The following WNK2 variants were observed in gnomAD, a reference collection of about 807,000 sequenced individuals.
The protein encoded by WNK2 is WNK lysine deficient protein kinase 2, also known as serine/threonine-protein kinase WNK2.
A neutral mutation model predicts 192.1 loss-of-function variants in WNK2; 67 were observed. The observed-to-expected ratio is 0.35, with a 90% CI of 0.29 to 0.43. The LOEUF is 0.43. Among genes scored for constraint, WNK2 ranks in the 20% least tolerant of loss-of-function variants. The probability of loss-of-function intolerance (pLI) is 1.00; values close to 1 mark genes in which losing one functional copy is unlikely to be tolerated. For synonymous variants in WNK2, 1,439 were observed against 1,393.9 expected (o/e 1.03, Z -0.72); for missense variants, 2,698 against 3,089.7 (o/e 0.87, Z 3.01).
chr9:93,210,790 C>T (rs1011020241), intron 2 of WNK2, among the ~76,000 whole-genome samples: 3 of 152,264 alleles, frequency 2.0e-5, no homozygotes. Context: ...TCCAGATGCT[C>T]ATTGTCTCTT....
intron 28 of WNK2, among the ~76,000 whole-genome samples, chr9:93,310,316 G>A (rs1853413837): frequency 6.6e-6 from 1 of 152,194 alleles, no homozygotes; most frequent in African/African-American, 2.4e-5. Flanking sequence ...AGCCTGGGCA[G>A]GCTCATCTCT....
At chr9:93,308,212 C>T in intron 27 of WNK2, 116 bp from the exon 28 acceptor site, 4 of 1,460,644 alleles carry the variant, frequency 2.7e-6, no homozygotes, top group South Asian at 1.4e-5. Context: ...AAGGTGCTGC[C>T]TGGCCCAAGT....
rs1844669985 is a variant in WNK2, at chr9:93,263,737, G to C, written c.3579+3G>C. The C allele has an allele frequency of 6.8e-7, 1 of 1,476,360 alleles. No individual in the cohort carries two copies. The highest frequency in any genetic ancestry group is 9.0e-7 in the Non-Finnish European group (1 of 1,116,170). 91.5% of individuals were successfully genotyped at this position (1,476,360 alleles called of 1,614,324 possible). On this transcript the variant is annotated splice_donor_region_variant and intron_variant, in intron 15 of 29. Transcript: ENST00000427277. ...GGCCCCGGCTTACCATCTTGAACGT[G>C]AGTGGGCGGGGCGTGGCGGGGGTGT...
At chr9:93,211,276 A>G (rs1834614591) in intron 2 of WNK2, among the ~76,000 whole-genome samples, 1 of 151,276 alleles carries the variant, frequency 6.6e-6, no homozygotes, top group African/African-American at 2.4e-5. Context: ...TCACTCACTC[A>G]TCCACTCACT....
intron 29 of WNK2, chr9:93,319,363 G>A (rs1855238010): frequency 2.0e-6 from 2 of 985,322 alleles, no homozygotes; most frequent in Non-Finnish European, 2.4e-6. Context: ...GCTGGGCTGG[G>A]CTGTCCCCGG....
intron 19 of WNK2, among the ~76,000 whole-genome samples, chr9:93,283,782 T>C (rs1330816627): frequency 6.6e-6 from 1 of 152,218 alleles, no homozygotes; most frequent in Non-Finnish European, 1.5e-5. Context: ...CAGTTGTGGC[T>C]GGTGGCTGGA....
intron 26 of WNK2, 110 bp downstream of exon 26, chr9:93,300,259 C>A (rs944932297): frequency 4.6e-5 from 42 of 911,114 alleles, no homozygotes; most frequent in African/African-American, 1.7e-5. Context: ...GCCTCCCCCA[C>A]CCCATCGAAG....
At chr9:93,200,085 C>T (rs1190989232) in intron 2 of WNK2, among the ~76,000 whole-genome samples, 1 of 152,110 alleles carries the variant, frequency 6.6e-6, no homozygotes, top group Non-Finnish European at 1.5e-5. Flanking sequence ...TCAGCCTCCC[C>T]TGCCCTAGTC....
chr9:93,264,013 G>T lies in WNK2; in HGVS notation c.3676G>T (p.Asp1226Tyr). 1 of 1,613,024 alleles carries T rather than the reference G, an allele frequency of 6.2e-7. No individual in the cohort carries two copies. Among genetic ancestry groups the T allele is most frequent in the Non-Finnish European group, 8.5e-7 (1 of 1,179,596 alleles). Residue 1226 changes from aspartate (D) to tyrosine (Y), a missense_variant, in exon 16 of 30, where the codon GAT becomes TAT. Asp to Tyr is a radical substitution (Grantham distance 160, BLOSUM62 -3). This residue lies in a region of WNK2 where 21 missense variants were observed against 53.2 expected (regional missense o/e 0.39). Coordinates refer to ENST00000427277, the MANE Select transcript of WNK2 (RefSeq NM_006648.4). Reference sequence around the variant, plus strand: ...GTTCGACTTGGACGGGGACGCACCCGATGAAATTGCCACGTATATGGTGAG... The same window carrying T: ...GTTCGACTTGGACGGGGACGCACCCTATGAAATTGCCACGTATATGGTGAG... ...FKFDLDGDAP[D>Y]EIATYMVEHD...
At position 93,252,996 on chromosome 9, in the gene WNK2, T is replaced by G; in HGVS notation, c.1948T>G (p.Cys650Gly). 1 of 1,564,260 alleles carries G rather than the reference T, an allele frequency of 6.4e-7. No individual in the cohort carries two copies. Residue 650 changes from cysteine (C) to glycine (G), a missense_variant, in exon 9 of 30, where the codon TGT becomes GGT. Cys to Gly is a radical substitution (Grantham distance 159, BLOSUM62 -3). Around this residue, in one of 7 missense-constraint regions of WNK2, gnomAD observed 893 missense variants for 909.0 expected, o/e 0.98. Coordinates refer to ENST00000427277, the MANE Select transcript of WNK2 (RefSeq NM_006648.4). ...LADAAPSPAQ[C>G]VCSPPVSEGP... ...CGACGCAGCGCCGTCCCCGGCCCAGTGTGTGTGCAGCCCCCCTGTGAGCGA... is the reference window on the plus strand; with the variant it reads ...CGACGCAGCGCCGTCCCCGGCCCAGGGTGTGTGCAGCCCCCCTGTGAGCGA...
Position 93,259,702 on chromosome 9 carries a change from GGA to G in WNK2, c.3066+90_3066+91del. On this transcript the variant is annotated intron_variant, in intron 12 of 29. Coordinates refer to ENST00000427277, the MANE Select transcript of WNK2 (RefSeq NM_006648.4). This position sits in a 1 kb window ranked among gnomAD's most constrained non-coding sequence, Gnocchi z 4.8. ...TGCAAAGGAGGACAGAGGCAGGCAA[GGA>G]GGCAGCCCTGCCTGGGGTCGCCCCT... The G allele has an allele frequency of 7.7e-7, 1 of 1,301,152 alleles. No homozygotes were observed. Among genetic ancestry groups the G allele is most frequent in the Non-Finnish European group, 1.0e-6 (1 of 975,518 alleles). The allele number at this position is 1,301,152 out of a possible 1,614,324, so 80.6% of individuals were successfully genotyped here.
At chr9:93,209,114 A>C (rs935084705) in intron 2 of WNK2, among the ~76,000 whole-genome samples, 1 of 151,814 alleles carries the variant, frequency 6.6e-6, no homozygotes, top group Non-Finnish European at 1.5e-5. Context: ...GATTTCCTGG[A>C]AAAAAAACAG....
Position 93,309,142 on chromosome 9 carries a change from G to A in WNK2, c.6516+558G>A, listed in dbSNP as rs1853176322. 1.1e-5 allele frequency: 11 copies of A among 984,096 alleles called. No individual in the cohort carries two copies. In the South Asian group the frequency reaches 1.9e-4, roughly 17 times the overall value. The allele number at this position is 984,096 out of a possible 1,614,324, so 61.0% of individuals were successfully genotyped here. A position where few individuals can be genotyped will look rare whatever the true frequency, so the allele number is the denominator to read the frequency against. ...TTTCAGCTTTCTGGAGGGGTTTGTG[G>A]AAGACTGGTGTTATTTCTATCTCAA... On this transcript the variant is annotated intron_variant, in intron 28 of 29. Coordinates refer to ENST00000427277, the MANE Select transcript of WNK2 (RefSeq NM_006648.4).
intron 2 of WNK2, among the ~76,000 whole-genome samples, chr9:93,214,993 T>G (rs1195667625): frequency 2.0e-5 from 3 of 151,426 alleles, no homozygotes; most frequent in Non-Finnish European, 4.4e-5. Flanking sequence ...TGTGATCTTC[T>G]GATCTCAGCC....
At chr9:93,287,292 C>T (rs1848591179) in intron 19 of WNK2, among the ~76,000 whole-genome samples, 1 of 152,132 alleles carries the variant, frequency 6.6e-6, no homozygotes, top group African/African-American at 2.4e-5. Context: ...GGCACCCTTA[C>T]ATAAAGCTAA....
chr9:93,313,492 A>G (rs910771332), intron 28 of WNK2, among the ~76,000 whole-genome samples: 11 of 149,682 alleles, frequency 7.3e-5, no homozygotes, highest in African/African-American at 2.7e-4. Context: ...TCTTTGTCCT[A>G]GTTTTTCTTT....
chr9:93,195,721 A>AAG (rs1179286029), intron 2 of WNK2, among the ~76,000 whole-genome samples: 1 of 151,132 alleles, frequency 6.6e-6, no homozygotes, highest in Non-Finnish European at 1.5e-5. Context: ...AAAAAAAAAA[A>AAG]AAAGATGTTG....
intron 23 of WNK2, among the ~76,000 whole-genome samples, chr9:93,293,683 C>T (rs1327580841): frequency 6.6e-6 from 1 of 152,130 alleles, no homozygotes; most frequent in African/African-American, 2.4e-5. Flanking sequence ...GGCCCCCACC[C>T]TGCTGTCTGC....
intron 19 of WNK2, among the ~76,000 whole-genome samples, chr9:93,285,328 G>A (rs2133702588): frequency 6.6e-6 from 1 of 152,300 alleles, no homozygotes; most frequent in Non-Finnish European, 1.5e-5. Context: ...AACTACCACT[G>A]TTGGCTGATA....
Sources: gnomAD v4.1 joint callset for allele counts (sites outside exome capture counted in the v4.1 genomes callset) on GRCh38, gnomAD v4.1.1 for gene constraint, gnomAD v4.1.1 regional missense constraint, Gnocchi (gnomAD v3.1) non-coding constraint, MANE v1.5 for transcripts, NCBI Gene and HGNC (gene_info 2026-07-23, HGNC 2026-07-21) for gene names.